Variants in RBM33 observed in about 807,000 individuals in gnomAD.
RBM33 encodes RNA binding motif protein 33, also known as RNA-binding protein 33.
In RBM33, 28 loss-of-function variants were observed where a neutral mutation model predicts 132.6. That is an observed-to-expected ratio of 0.21 (90% CI 0.16 to 0.29). The LOEUF (loss-of-function observed/expected upper bound fraction) is 0.29. Ranked by LOEUF, RBM33 falls within the 10% of genes least tolerant of loss-of-function variation. RBM33 has a pLI of 1.00. For synonymous variants in RBM33, 634 were observed against 593.0 expected, an observed-to-expected ratio of 1.07 and a Z score of -1.01; for missense variants, 1,291 against 1,518.5, an observed-to-expected ratio of 0.85 and a Z score of 2.49.
Position 155,706,829 on chromosome 7 carries a change from G to A in RBM33, c.740-31G>A, listed in dbSNP as rs767455059. On this transcript the variant is annotated intron_variant, in intron 6 of 17. Transcript: ENST00000401878. ...GACCTCCAGTTTGGGCTCTCGGAAAGTAACTAACACATACACATTTTTTCA... is the reference window on the plus strand; with the variant it reads ...GACCTCCAGTTTGGGCTCTCGGAAAATAACTAACACATACACATTTTTTCA... 3.9e-6 allele frequency: 6 copies of A among 1,553,034 alleles called. No homozygotes were observed. In the East Asian group the frequency reaches 1.4e-4, roughly 37 times the overall value.
intron 9 of RBM33, among the ~76,000 whole-genome samples, chr7:155,729,714 G>A (rs190482106): frequency 9.8e-4 from 146 of 149,062 alleles, no homozygotes; most frequent in Non-Finnish European, 1.7e-3. Flanking sequence ...TCCAGTCTGT[G>A]TGACAAAGCA....
At chr7:155,742,888 G>A (rs1012063259) in intron 13 of RBM33, among the ~76,000 whole-genome samples, 2 of 152,182 alleles carry the variant, frequency 1.3e-5, no homozygotes, top group South Asian at 2.1e-4. Flanking sequence ...CCTGGAGGGC[G>A]TGTCAGCCTT....
chr7:155,719,021 G>A (rs1236628005), intron 9 of RBM33, among the ~76,000 whole-genome samples: 1 of 152,052 alleles, frequency 6.6e-6, no homozygotes, highest in Non-Finnish European at 1.5e-5. Flanking sequence ...ACACTTTGCT[G>A]TATCTTCAGT....
intron 5 of RBM33, among the ~76,000 whole-genome samples, chr7:155,698,546 G>A (rs188237717): frequency 1.6e-4 from 24 of 152,282 alleles, no homozygotes; most frequent in African/African-American, 5.1e-4. Flanking sequence ...GCTATCAGCC[G>A]TGTTTGGTGG....
intron 14 of RBM33, among the ~76,000 whole-genome samples, chr7:155,762,092 C>G (rs969348038): frequency 6.6e-6 from 1 of 152,258 alleles, no homozygotes; most frequent in Non-Finnish European, 1.5e-5. Context: ...TCTCTGGACC[C>G]TGCATGGCCC....
intron 14 of RBM33, among the ~76,000 whole-genome samples, chr7:155,749,101 AC>A (rs1801614866): frequency 6.6e-6 from 1 of 151,330 alleles, no homozygotes; most frequent in African/African-American, 2.4e-5. Flanking sequence ...GTTCTTTGGG[AC>A]CCCGAACAAT....
chr7:155,763,867 A>G lies in RBM33; in HGVS notation c.3035A>G (p.Gln1012Arg). 1 of 1,611,818 alleles carries G rather than the reference A, an allele frequency of 6.2e-7. No individual in the cohort carries two copies. The highest frequency in any genetic ancestry group is 8.5e-7 in the Non-Finnish European group (1 of 1,179,062). ...HPEGQPQRLP[Q>R]PPEVGPQPAR... ...GAAGGCCAGCCCCAGCGGCTTCCCCAGCCTCCGGAAGTGGGACCACAGCCT... is the reference window on the plus strand; with the variant it reads ...GAAGGCCAGCCCCAGCGGCTTCCCCGGCCTCCGGAAGTGGGACCACAGCCT... Residue 1012 changes from glutamine (Q) to arginine (R), a missense_variant, in exon 15 of 18, where the codon CAG (glutamine) becomes CGG (arginine). Gln to Arg is a conservative substitution (Grantham distance 43). This residue lies in a region of RBM33 where 841 missense variants were observed against 912.0 expected (regional missense o/e 0.92). Coordinates refer to ENST00000401878, the MANE Select transcript of RBM33 (RefSeq NM_053043.3).
At position 155,729,225 on chromosome 7, in the gene RBM33, C is replaced by A. The variant is rs541019241; in HGVS notation, c.1261-8305C>A. Among the ~76,000 whole-genome samples the A allele has an allele frequency of 6.7e-4, 102 of 152,136 alleles. 1 individual carries two copies. The highest frequency in any genetic ancestry group is 2.3e-3 in the African/African-American group (94 of 41,494). On this transcript the variant is annotated intron_variant, in intron 9 of 17. Coordinates refer to ENST00000401878, the MANE Select transcript of RBM33 (RefSeq NM_053043.3). ...TATGAGAACAGCGTGGGGGAAACTG[C>A]CCCCATGATCCAGTCACCACCCACC... is the stretch of plus-strand genomic sequence containing the variant.
At chr7:155,770,253 C>G (rs1246397572) in intron 16 of RBM33, among the ~76,000 whole-genome samples, 5 of 152,160 alleles carry the variant, frequency 3.3e-5, no homozygotes, top group Admixed American at 1.3e-4. Context: ...CTGGAGTTGC[C>G]CAGAGCACTG....
In RBM33 at chr7:155,766,449, T is replaced by A. The variant is rs1183685507; in HGVS notation, c.3187-18T>A. 3.1e-6 allele frequency: 5 copies of A among 1,612,020 alleles called. No homozygotes were observed. Among genetic ancestry groups the A allele is most frequent in the Non-Finnish European group, 3.4e-6 (4 of 1,179,630 alleles). On this transcript the variant is annotated intron_variant, in intron 15 of 17. Coordinates refer to ENST00000401878, the MANE Select transcript of RBM33 (RefSeq NM_053043.3). ...CTCAGGCTTGAAACTCTGAATGTATTTCCTTTGTTGTCACCAGGCCATCAT... is the reference window on the plus strand; with the variant it reads ...CTCAGGCTTGAAACTCTGAATGTATATCCTTTGTTGTCACCAGGCCATCAT...
chr7:155,723,129 T>G (rs1017580428), intron 9 of RBM33, among the ~76,000 whole-genome samples: 3 of 152,242 alleles, frequency 2.0e-5, no homozygotes, highest in Non-Finnish European at 1.5e-5. Context: ...CAGGTGGCAG[T>G]GAATGATGTT....
At chr7:155,770,422 G>T (rs1019263951) in intron 16 of RBM33, among the ~76,000 whole-genome samples, 1 of 152,322 alleles carries the variant, frequency 6.6e-6, no homozygotes, top group Non-Finnish European at 1.5e-5. Context: ...TGCTTAGCAG[G>T]CTCACTGAGG....
chr7:155,689,779 G>A (rs552171172), intron 5 of RBM33, among the ~76,000 whole-genome samples: 19 of 152,256 alleles, frequency 1.2e-4, no homozygotes, highest in African/African-American at 3.9e-4. Context: ...GTAGTTGAGC[G>A]GTTTTGAGTG....
intron 5 of RBM33, among the ~76,000 whole-genome samples, chr7:155,681,649 T>G (rs1799341381): frequency 6.6e-6 from 1 of 151,866 alleles, no homozygotes; most frequent in Admixed American, 6.6e-5. Context: ...AATCTTAGGG[T>G]TTTTGGGAAC....
At chr7:155,659,553 G>A (rs1365147558) in intron 1 of RBM33, among the ~76,000 whole-genome samples, 1 of 151,862 alleles carries the variant, frequency 6.6e-6, no homozygotes, top group Non-Finnish European at 1.5e-5. Flanking sequence ...AGAGCAGAAC[G>A]ACAAAACAAT....
chr7:155,727,193 G>A (rs1229624822), intron 9 of RBM33, among the ~76,000 whole-genome samples: 3 of 152,202 alleles, frequency 2.0e-5, no homozygotes, highest in Non-Finnish European at 4.4e-5. Flanking sequence ...GCATTTGTCT[G>A]TATTCCAGGC....
chr7:155,745,236 G>A lies in RBM33; in HGVS notation c.2613G>A (p.Lys871=), dbSNP rs749010504. ...GTGCACAGGTCAGACAAAATGTGAA[G>A]AACAGACTTCTTGTTAAAAACCAGG... ...FPGAQVRQNV[K]NRLLVKNQDV... Residue 871 remains lysine (K), a synonymous_variant, in exon 14 of 18, where the codon AAG becomes AAA. Coordinates refer to ENST00000401878, the MANE Select transcript of RBM33 (RefSeq NM_053043.3). This position sits in a 1 kb window ranked among gnomAD's most constrained non-coding sequence, Gnocchi z 4.1. 2.5e-6 allele frequency: 4 copies of A among 1,612,574 alleles called. No homozygotes were observed. In the African/African-American group the frequency reaches 4.0e-5, roughly 16 times the overall value.
chr7:155,750,731 GT>G (rs34083810), intron 14 of RBM33, among the ~76,000 whole-genome samples: 271 of 140,990 alleles, frequency 1.9e-3, no homozygotes, highest in East Asian at 2.9e-3. Flanking sequence ...AAAGAAAATG[GT>G]TTTTTTTTTT....
chr7:155,660,291 T>G (rs1798605391), intron 1 of RBM33, among the ~76,000 whole-genome samples: 1 of 152,192 alleles, frequency 6.6e-6, no homozygotes, highest in Non-Finnish European at 1.5e-5. Context: ...CCCAGGCTGG[T>G]CTTGAACTCC....
Sources: allele counts gnomAD v4.1 joint callset (sites outside exome capture counted in the v4.1 genomes callset), GRCh38; gene constraint gnomAD v4.1.1; regional missense constraint gnomAD v4.1.1; non-coding constraint Gnocchi (gnomAD v3.1); transcripts MANE v1.5; gene names NCBI Gene and HGNC (gene_info 2026-07-23, HGNC 2026-07-21).